Variants in KLK7 observed in about 807,000 individuals in gnomAD.
The protein encoded by KLK7 is kallikrein related peptidase 7.
Under a neutral mutation model 21.0 loss-of-function variants are expected in KLK7, and 17 were observed. The observed-to-expected ratio is 0.81, with a 90% CI of 0.55 to 1.21. KLK7 has a LOEUF of 1.21. KLK7 is among the 50% of genes most tolerant of loss of function. KLK7 has a pLI of 0.00. For missense variants in KLK7, 330 were observed against 322.8 expected (o/e 1.02, Z -0.17); for synonymous variants, 151 against 134.6 (o/e 1.12, Z -0.85).
chr19:50,981,986 C>T, intron 2 of KLK7, 72 bp from the exon 3 acceptor site: 2 of 1,490,176 alleles, frequency 1.3e-6, no homozygotes, highest in East Asian at 2.3e-5. Context: ...CTCAGGGATT[C>T]CCAGAGTCAG....
chr19:50,980,415 T>TGA lies in KLK7; in HGVS notation c.292_293dup (p.Phe99HisfsTer19). 1 of 1,613,980 alleles carries TGA rather than the reference T, an allele frequency of 6.2e-7. No homozygotes were observed. Among genetic ancestry groups the TGA allele is most frequent in the Non-Finnish European group, 8.5e-7 (1 of 1,179,952 alleles). ...GTGTGGAGTAGCCGGGGTGGCGGAATGACTTCGAGGCCTTGATCCTCTGAG... is the reference window on the plus strand; with the variant it reads ...GTGTGGAGTAGCCGGGGTGGCGGAATGAGACTTCGAGGCCTTGATCCTCTGAG... On this transcript the variant is annotated frameshift_variant, in exon 4 of 6. Transcript: ENST00000595820. LOFTEE classifies it high-confidence loss of function.
rs372381913 is a variant in KLK7 at position 50,982,358 on chromosome 19, TAGC to T, written c.39_41del (p.Leu14del). 4.3e-5 allele frequency: 69 copies of T among 1,611,378 alleles called. 3 individuals are homozygous for T. The African/African-American group carries it at 5.9e-4, about 14-fold the overall frequency. ...CTCCTGCAGTTTCCAAGGCTAAGGA[TAGC>T]AGTAAGATCTGCAGGGGCAGGAGAA... On this transcript the variant is annotated inframe_deletion, in exon 2 of 6. Coordinates refer to ENST00000595820, the MANE Select transcript of KLK7 (RefSeq NM_005046.4).
intron 1 of KLK7, among the ~76,000 whole-genome samples, chr19:50,983,441 C>G (rs1486123330): frequency 7.0e-6 from 1 of 143,696 alleles, no homozygotes; most frequent in Admixed American, 6.8e-5. Context: ...GCCCCTCCTC[C>G]CTCAGACCCA....
At position 50,980,430 on chromosome 19, in the gene KLK7, G is replaced by C. The variant is rs1243987874; in HGVS notation, c.279C>G (p.Ile93Met). Residue 93 changes from isoleucine (I) to methionine (M), a missense_variant, in exon 4 of 6, where the codon ATC (isoleucine) becomes ATG (methionine). Ile to Met is a conservative substitution (Grantham distance 10). Coordinates refer to ENST00000595820, the MANE Select transcript of KLK7 (RefSeq NM_005046.4). ...DTLGDRRAQR[I>M]KASKSFRHPG... ...GGTGGCGGAATGACTTCGAGGCCTTGATCCTCTGAGCTCTCCTGTCGCCCA... is the reference window on the plus strand; with the variant it reads ...GGTGGCGGAATGACTTCGAGGCCTTCATCCTCTGAGCTCTCCTGTCGCCCA... 2 of 1,613,886 alleles carry C rather than the reference G, an allele frequency of 1.2e-6. No homozygotes were observed. Among genetic ancestry groups the C allele is most frequent in the African/African-American group, 2.7e-5 (2 of 74,854 alleles).
Position 50,977,499 on chromosome 19 carries a change from C to A in KLK7, c.*37G>T. 1 of 1,603,294 alleles carries A rather than the reference C, an allele frequency of 6.2e-7. No individual in the cohort carries two copies. The highest frequency in any genetic ancestry group is 2.2e-5 in the East Asian group (1 of 44,656). On this transcript the variant is annotated 3_prime_UTR_variant, in exon 6 of 6. Transcript: ENST00000595820. The stretch of plus-strand genomic sequence containing the variant: ...CGGCGTCCTCACTCCTGTGCATTTT[C>A]TGTTGGAAGCACACAGTTAATTAAC...
rs1452692097 is a variant in KLK7 at position 50,982,421 on chromosome 19, G to A, written c.-22C>T. On this transcript the variant is annotated 5_prime_UTR_variant, in exon 2 of 6. Transcript: ENST00000595820. ...CCATGGTGCCCTGCTGAGCCGCTCA[G>A]GGGCTGCCAGGCGAGGAAGGGCCTC... 4.4e-6 allele frequency: 7 copies of A among 1,595,118 alleles called. No homozygotes were observed. In the Admixed American group the frequency reaches 7.1e-5, roughly 16 times the overall value.
chr19:50,979,996 G>T (rs2091064408), intron 4 of KLK7, 72 bp from the exon 5 acceptor site: 1 of 1,524,256 alleles, frequency 6.6e-7, no homozygotes, highest in Non-Finnish European at 8.8e-7. Context: ...TGTTGTTCAG[G>T]CTCCTGGTTC....
At chr19:50,979,974 G>A in intron 4 of KLK7, 50 bp from the exon 5 acceptor site, 1 of 1,558,448 alleles carries the variant, frequency 6.4e-7, no homozygotes, top group Non-Finnish European at 8.7e-7. Context: ...TGGGGGCGAG[G>A]ACCAGAAGGG....
Position 50,982,322 on chromosome 19 carries a change from T to C in KLK7, c.73+5A>G. 2 of 1,609,104 alleles carry C rather than the reference T, an allele frequency of 1.2e-6. No individual in the cohort carries two copies. The highest frequency in any genetic ancestry group is 1.7e-6 in the Non-Finnish European group (2 of 1,177,874). ...TGAGGTCAGACTTCCCAGTCCAGCT[T>C]TCACCTTCTTCTCCTGCAGTTTCCA... On this transcript the variant is annotated splice_donor_5th_base_variant and intron_variant, in intron 2 of 5. Transcript: ENST00000595820.
Position 50,982,282 on chromosome 19 carries a change from G to A in KLK7, c.73+45C>T, listed in dbSNP as rs562428721. 2.3e-4 allele frequency: 364 copies of A among 1,588,494 alleles called. 4 individuals carry two copies. In the South Asian group the frequency reaches 3.9e-3, roughly 17 times the overall value. On this transcript the variant is annotated intron_variant, in intron 2 of 5. Transcript: ENST00000595820. ...CTCAGGGACTCCTTGGAGAGGGTCAGTGGGGGCCCTGAGGTGAGGTCAGAC... is the reference window on the plus strand; with the variant it reads ...CTCAGGGACTCCTTGGAGAGGGTCAATGGGGGCCCTGAGGTGAGGTCAGAC...
At position 50,976,544 on chromosome 19, in the gene KLK7, G is replaced by T. The variant is rs2091040538; in HGVS notation, c.*992C>A. The T allele has an allele frequency of 6.6e-6, 1 of 152,170 alleles. No individual in the cohort carries two copies. The highest frequency in any genetic ancestry group is 2.4e-5 in the African/African-American group (1 of 41,438). The allele number at this position is 152,170 out of a possible 1,614,324, so 9.4% of individuals were successfully genotyped here. ...CACATTCAAGGAAAAGTACACAGAA[G>T]GAAGGAGACACCTCATGACGACCCC... is the stretch of plus-strand genomic sequence containing the variant. On this transcript the variant is annotated 3_prime_UTR_variant, in exon 6 of 6. Transcript: ENST00000595820.
rs1473874547 is a variant in KLK7 at position 50,977,513 on chromosome 19, C to G, written c.*23G>C. On this transcript the variant is annotated 3_prime_UTR_variant, in exon 6 of 6. Transcript: ENST00000595820. ...CTGTGCATTTTCTGTTGGAAGCACA[C>G]AGTTAATTAACTCAGTGTGGCGTTA... 1 of 1,608,096 alleles carries G rather than the reference C, an allele frequency of 6.2e-7. No homozygotes were observed. The highest frequency in any genetic ancestry group is 8.5e-7 in the Non-Finnish European group (1 of 1,175,030).
At position 50,979,770 on chromosome 19, in the gene KLK7, T is replaced by C. The variant is rs1465003816; in HGVS notation, c.606+18A>G. The C allele has an allele frequency of 3.8e-6, 6 of 1,559,786 alleles. No individual in the cohort carries two copies. The East Asian group carries it at 1.2e-4, about 31-fold the overall frequency. On this transcript the variant is annotated intron_variant, in intron 5 of 5. Transcript: ENST00000595820. ...AGGGTACCCAGGACTGGGGAGGAAT[T>C]GGGGGGGAGGGTCTCACATTGCAGG...
chr19:50,977,510 A>G lies in KLK7; in HGVS notation c.*26T>C. Reference sequence around the variant, plus strand: ...CTCCTGTGCATTTTCTGTTGGAAGCACACAGTTAATTAACTCAGTGTGGCG... The same window carrying G: ...CTCCTGTGCATTTTCTGTTGGAAGCGCACAGTTAATTAACTCAGTGTGGCG... On this transcript the variant is annotated 3_prime_UTR_variant, in exon 6 of 6. Coordinates refer to ENST00000595820, the MANE Select transcript of KLK7 (RefSeq NM_005046.4). 1 of 1,608,428 alleles carries G rather than the reference A, an allele frequency of 6.2e-7. No homozygotes were observed. The highest frequency in any genetic ancestry group is 8.5e-7 in the Non-Finnish European group (1 of 1,175,188).
rs1413898334 is a variant in KLK7, at chr19:50,981,793, C to T, written c.195G>A (p.Val65=). 1.3e-6 allele frequency: 2 copies of T among 1,586,470 alleles called. No individual in the cohort carries two copies. The change falls in exon 3 of 6, where the codon GTG becomes GTA. Residue 65 remains valine (V), a synonymous_variant. Transcript: ENST00000595820. ...TCATCTTGCAGTGGGCGGCAGTGAG[C>T]ACCCAGCGCTCATTGACCAGGACGC... is the stretch of plus-strand genomic sequence containing the variant. ...CGGVLVNERW[V]LTAAHCKMNE... is the part of the protein sequence containing the mutation.
chr19:50,983,164 G>A (rs2091104117), intron 1 of KLK7, among the ~76,000 whole-genome samples: 1 of 138,270 alleles, frequency 7.2e-6, no homozygotes, highest in Non-Finnish European at 1.5e-5. Flanking sequence ...CTCAGACCTA[G>A]GAGTCCAGGT....
intron 1 of KLK7, among the ~76,000 whole-genome samples, chr19:50,983,069 AGCCCCTCCTCCCTCAG>A (rs1390955734): frequency 1.8e-5 from 1 of 55,362 alleles, no homozygotes; most frequent in Non-Finnish European, 3.8e-5. Flanking sequence ...TCCAGGCCCC[AGCCCCTCCTCCCTCAG>A]ACCCAGGAGT....
intron 5 of KLK7, 115 bp downstream of exon 5, chr19:50,979,673 C>T: frequency 9.5e-7 from 1 of 1,048,380 alleles, no homozygotes; most frequent in Non-Finnish European, 1.4e-6. Context: ...GGAGGCCAGG[C>T]CTGGGGGGAG....
chr19:50,978,415 G>C (rs1359205135), intron 5 of KLK7, among the ~76,000 whole-genome samples: 1 of 151,850 alleles, frequency 6.6e-6, no homozygotes, highest in East Asian at 1.9e-4. Context: ...GGAGAAGAAA[G>C]AGGGAAAGGA....
Sources: allele counts gnomAD v4.1 joint callset (sites outside exome capture counted in the v4.1 genomes callset), GRCh38; gene constraint gnomAD v4.1.1; transcripts MANE v1.5; gene names NCBI Gene and HGNC (gene_info 2026-07-23, HGNC 2026-07-21).